BOD1L1: variants seen among roughly 807,000 people sequenced by gnomAD.
BOD1L1 encodes the protein biorientation of chromosomes in cell division protein 1-like 1.
BOD1L1 carries 86 observed loss-of-function variants against 240.7 expected under a neutral mutation model. The observed-to-expected ratio is 0.36, with a 90% CI of 0.30 to 0.43. BOD1L1 has a LOEUF of 0.43. Ranked by LOEUF, BOD1L1 falls within the 20% of genes least tolerant of loss-of-function variation. The pLI is 1.00. For synonymous variants in BOD1L1, 1,268 were observed against 1,272.3 expected (o/e 1.00, Z 0.07); for missense variants, 3,554 against 3,643.5 (o/e 0.98, Z 0.63).
intron 15 of BOD1L1, among the ~76,000 whole-genome samples, chr4:13,588,139 G>C (rs1195681796): frequency 7.0e-6 from 1 of 143,356 alleles, no homozygotes; most frequent in Admixed American, 7.5e-5. Flanking sequence ...AGTGAGAAGC[G>C]TTCACACCAC....
chr4:13,620,198 AC>A lies in BOD1L1; in HGVS notation c.244-132del, dbSNP rs1560219948. On this transcript the variant is annotated intron_variant, in intron 1 of 25. Transcript: ENST00000040738. Reference sequence around the variant, plus strand: ...ACAATTCTGCTTCAAGATAACTTACACTCATTCAAATACTACTTATTTTGTG... The same window carrying A: ...ACAATTCTGCTTCAAGATAACTTACATCATTCAAATACTACTTATTTTGTG... 3.2e-6 allele frequency: 3 copies of A among 927,502 alleles called. No individual in the cohort carries two copies. The African/African-American group carries it at 5.0e-5, about 16-fold the overall frequency. The allele number at this position is 927,502 out of a possible 1,614,324, so 57.5% of individuals were successfully genotyped here. A position where few individuals can be genotyped will look rare whatever the true frequency, so the allele number is the denominator to read the frequency against.
chr4:13,618,380 C>G (rs1351341295), intron 2 of BOD1L1, among the ~76,000 whole-genome samples: 1 of 152,182 alleles, frequency 6.6e-6, no homozygotes, highest in Non-Finnish European at 1.5e-5. Context: ...AAGGGGTGCT[C>G]TACCCTACCT....
chr4:13,603,061 G>T lies in BOD1L1; in HGVS notation c.3839C>A (p.Ser1280Tyr). ...ATLEHSTNLD[S>Y]SPSLSSVTVV... ...AGTCACTGAACTTAAGGATGGTGAG[G>T]AGTCTAAATTTGTGGAATGTTCAAG... Residue 1280 changes from serine (S) to tyrosine (Y), a missense_variant, in exon 10 of 26, where the codon TCC becomes TAC. Physicochemically the swap from Ser to Tyr is moderately radical, Grantham distance 144. Around this residue, in one of 2 missense-constraint regions of BOD1L1, gnomAD observed 3,393 missense variants for 3,427.1 expected, o/e 0.99. Coordinates refer to ENST00000040738, the MANE Select transcript of BOD1L1 (RefSeq NM_148894.3). 6.2e-7 allele frequency: 1 copy of T among 1,613,986 alleles called. No individual in the cohort carries two copies. Among genetic ancestry groups the T allele is most frequent in the East Asian group, 2.2e-5 (1 of 44,888 alleles).
intron 14 of BOD1L1, among the ~76,000 whole-genome samples, chr4:13,589,192 C>A (rs1713976153): frequency 6.6e-6 from 1 of 152,112 alleles, no homozygotes; most frequent in Non-Finnish European, 1.5e-5. Context: ...CCAAACAATA[C>A]CAAATATGGC....
chr4:13,588,860 A>G (rs920807844), intron 14 of BOD1L1, 68 bp from the exon 15 acceptor site: 30 of 1,183,888 alleles, frequency 2.5e-5, no homozygotes, highest in Non-Finnish European at 3.2e-5. Context: ...TTACTTAGGT[A>G]TGTGTTAGGG....
chr4:13,585,751 A>C (rs1444430057), intron 17 of BOD1L1, among the ~76,000 whole-genome samples: 1 of 152,138 alleles, frequency 6.6e-6, no homozygotes, highest in African/African-American at 2.4e-5. Context: ...ATCGGGGGGC[A>C]GGTTTGTCCT....
chr4:13,625,325 G>C (rs1238183177), intron 1 of BOD1L1: 3 of 152,178 alleles, frequency 2.0e-5, no homozygotes, highest in African/African-American at 4.8e-5. Flanking sequence ...TTCTGAAGTA[G>C]AAAAACAGCG....
At position 13,569,999 on chromosome 4, in the gene BOD1L1, C is replaced by G. The variant is rs780264217; in HGVS notation, c.*12G>C. On this transcript the variant is annotated 3_prime_UTR_variant, in exon 26 of 26. Coordinates refer to ENST00000040738, the MANE Select transcript of BOD1L1 (RefSeq NM_148894.3). ...GTGTTCCTCCATAAGCCTAGGGCAG[C>G]AGTGGTCAGGATTATCGCTTCGCTT... The G allele has an allele frequency of 6.4e-7, 1 of 1,569,458 alleles. No homozygotes were observed. The highest frequency in any genetic ancestry group is 1.9e-5 in the Admixed American group (1 of 52,540).
At chr4:13,596,251 T>C (rs1277380724) in intron 11 of BOD1L1, among the ~76,000 whole-genome samples, 1 of 152,146 alleles carries the variant, frequency 6.6e-6, no homozygotes, top group Non-Finnish European at 1.5e-5. Context: ...TCAAGTCTCA[T>C]CACAGCTCAC....
Position 13,614,408 on chromosome 4 carries a change from TTGTCTGTTGA to T in BOD1L1, c.952_961del (p.Ser318LysfsTer49). ...ATTGCTGTCTGGCTTCTTTTCACCT[TTGTCTGTTGA>T]TTTATTTTTTTGCTCACTGCTTTCC... On this transcript the variant is annotated frameshift_variant, in exon 4 of 26. Coordinates refer to ENST00000040738, the MANE Select transcript of BOD1L1 (RefSeq NM_148894.3). LOFTEE classifies it high-confidence loss of function. The T allele has an allele frequency of 6.3e-7, 1 of 1,583,380 alleles. No individual in the cohort carries two copies.
At chr4:13,622,796 A>G (rs1717128960) in intron 1 of BOD1L1, among the ~76,000 whole-genome samples, 1 of 152,228 alleles carries the variant, frequency 6.6e-6, no homozygotes, top group African/African-American at 2.4e-5. Flanking sequence ...AGGGGAAGCT[A>G]TTACACGTGG....
intron 1 of BOD1L1, chr4:13,624,767 G>C (rs1292653931): frequency 6.6e-6 from 1 of 152,172 alleles, no homozygotes; most frequent in East Asian, 1.9e-4. Context: ...CTGGATGACA[G>C]TTTTGCTCTT....
At chr4:13,572,734 G>C (rs752657281) in intron 25 of BOD1L1, 5 of 1,289,702 alleles carry the variant, frequency 3.9e-6, no homozygotes, top group Non-Finnish European at 5.1e-6. Context: ...TAACTTTTTC[G>C]CTGGTAGGTA....
At chr4:13,571,137 G>A (rs1032151502) in intron 25 of BOD1L1, among the ~76,000 whole-genome samples, 1 of 152,172 alleles carries the variant, frequency 6.6e-6, no homozygotes, top group Non-Finnish European at 1.5e-5. Context: ...AAAAAAGTTT[G>A]AAAGTCTTAT....
intron 25 of BOD1L1, among the ~76,000 whole-genome samples, chr4:13,575,875 C>CTTTAGGAGT (rs1213539693): frequency 2.7e-5 from 4 of 145,824 alleles, no homozygotes; most frequent in African/African-American, 1.0e-4. Context: ...GGCTTCTTTC[C>CTTTAGGAGT]TTTAGGAGTT....
intron 12 of BOD1L1, among the ~76,000 whole-genome samples, chr4:13,594,822 G>C (rs1453498392): frequency 6.6e-6 from 1 of 152,122 alleles, no homozygotes; most frequent in Non-Finnish European, 1.5e-5. Flanking sequence ...TTGAACCAGG[G>C]AGTCAGAGGT....
rs150236560 is a variant in BOD1L1 at position 13,601,101 on chromosome 4, G to C, written c.5799C>G (p.Ser1933Arg). The change falls in exon 10 of 26, where the codon AGC (serine) becomes AGG (arginine). Residue 1933 changes from serine (S) to arginine (R), a missense_variant. By Grantham distance (110) the Ser-to-Arg change is moderately radical (BLOSUM62 -1). Around this residue, in one of 2 missense-constraint regions of BOD1L1, gnomAD observed 3,393 missense variants for 3,427.1 expected, o/e 0.99. Transcript: ENST00000040738. ...TACTTCCTTTCTCTGTGCCACTCAT[G>C]CTGTCAACATTATTTTCATTTGCAT... ...IMNANENNVD[S>R]MSGTEKGSKD... 3.1e-6 allele frequency: 5 copies of C among 1,613,748 alleles called. No individual in the cohort carries two copies. The African/African-American group carries it at 6.7e-5, about 22-fold the overall frequency.
chr4:13,608,636 T>A lies in BOD1L1; in HGVS notation c.1636A>T (p.Thr546Ser), dbSNP rs774346168. The A allele has an allele frequency of 2.5e-5, 39 of 1,551,478 alleles. No individual in the cohort carries two copies. Among genetic ancestry groups the A allele is most frequent in the Non-Finnish European group, 3.3e-5 (38 of 1,151,624 alleles). The change falls in exon 8 of 26, where the codon ACA becomes TCA. Residue 546 changes from threonine (T) to serine (S), a missense_variant. By Grantham distance (58) the Thr-to-Ser change is moderately conservative. Transcript: ENST00000040738. ...RSSVDLEESS[T>S]KSLEPKAARI... ...GCGGCTTTAGGTTCCAAACTCTTTGTTGATGATTCTTCTAAGTCCACACTA... is the reference window on the plus strand; with the variant it reads ...GCGGCTTTAGGTTCCAAACTCTTTGATGATGATTCTTCTAAGTCCACACTA...
In BOD1L1 at chr4:13,602,484, A is replaced by G. The variant is rs1182623013; in HGVS notation, c.4416T>C (p.Asp1472=). The G allele has an allele frequency of 6.2e-7, 1 of 1,613,952 alleles. No homozygotes were observed. Among genetic ancestry groups the G allele is most frequent in the South Asian group, 1.1e-5 (1 of 91,078 alleles). ...SPGKVKDISI[D]VERRNENSEV... ...CACTGTTTTCATTCCTTCTTTCAACATCAATTGATATGTCTTTTACTTTAC... is the reference window on the plus strand; with the variant it reads ...CACTGTTTTCATTCCTTCTTTCAACGTCAATTGATATGTCTTTTACTTTAC... The change falls in exon 10 of 26, where the codon GAT becomes GAC. Residue 1472 remains aspartate, a synonymous_variant. Coordinates refer to ENST00000040738, the MANE Select transcript of BOD1L1 (RefSeq NM_148894.3).
Sources: gnomAD v4.1 joint callset for allele counts (sites outside exome capture counted in the v4.1 genomes callset) on GRCh38, gnomAD v4.1.1 for gene constraint, gnomAD v4.1.1 regional missense constraint, MANE v1.5 for transcripts, NCBI Gene and HGNC (gene_info 2026-07-23, HGNC 2026-07-21) for gene names.